The following C6orf89 variants were observed in gnomAD, a reference collection of about 807,000 sequenced individuals.
The protein encoded by C6orf89 is bombesin receptor-activated protein C6orf89.
C6orf89 carries 29 observed loss-of-function variants against 40.7 expected under a neutral mutation model. The observed-to-expected ratio is 0.71, with a 90% CI of 0.53 to 0.97. The LOEUF is 0.97. Among genes scored for constraint, C6orf89 ranks in the 50% least tolerant of loss-of-function variants. The pLI, the probability that C6orf89 is intolerant of heterozygous loss-of-function variation, is 0.00. For synonymous variants in C6orf89, 165 were observed against 152.2 expected, an observed-to-expected ratio of 1.08 and a Z score of -0.62; for missense variants, 392 against 429.1, an observed-to-expected ratio of 0.91 and a Z score of 0.76.
intron 3 of C6orf89, among the ~76,000 whole-genome samples, chr6:36,900,097 G>A (rs889152609): frequency 3.3e-5 from 5 of 152,008 alleles, no homozygotes; most frequent in African/African-American, 1.2e-4. Context: ...ATGTTGGTCA[G>A]GCTGGTCTTG....
chr6:36,910,996 A>G (rs868063273), intron 4 of C6orf89, among the ~76,000 whole-genome samples: 1 of 152,144 alleles, frequency 6.6e-6, no homozygotes, highest in African/African-American at 2.4e-5. Flanking sequence ...TAGTACTAAC[A>G]GTTTTTTACT....
chr6:36,893,948 C>T (rs1005818947), intron 1 of C6orf89, among the ~76,000 whole-genome samples: 2 of 150,604 alleles, frequency 1.3e-5, no homozygotes, highest in African/African-American at 4.9e-5. Flanking sequence ...CGCTTGAACC[C>T]GGGAGGCGGA....
intron 7 of C6orf89, among the ~76,000 whole-genome samples, chr6:36,918,771 C>T (rs934302943): frequency 1.3e-5 from 2 of 152,196 alleles, no homozygotes; most frequent in African/African-American, 4.8e-5. Context: ...CTCTTTATCC[C>T]TATTCCTTGC....
chr6:36,888,743 A>G (rs1049993485), intron 1 of C6orf89, among the ~76,000 whole-genome samples: 1 of 152,360 alleles, frequency 6.6e-6, no homozygotes, highest in African/African-American at 2.4e-5. Context: ...AGAGATGTTG[A>G]AGACCTTAAC....
chr6:36,875,354 A>G (rs1774624169), intron 1 of C6orf89, among the ~76,000 whole-genome samples: 1 of 152,220 alleles, frequency 6.6e-6, no homozygotes, highest in Admixed American at 6.5e-5. Flanking sequence ...GTTTTTCCAT[A>G]GTCATAAAGC....
chr6:36,912,842 C>G (rs1762176695), intron 4 of C6orf89, among the ~76,000 whole-genome samples: 2 of 152,338 alleles, frequency 1.3e-5, no homozygotes, highest in South Asian at 2.1e-4. Flanking sequence ...CTACTACTGC[C>G]TCAGAGAAAA....
chr6:36,917,408 C>T (rs1314467190), intron 7 of C6orf89, among the ~76,000 whole-genome samples: 2 of 152,162 alleles, frequency 1.3e-5, no homozygotes, highest in African/African-American at 4.8e-5. Flanking sequence ...AGCTGTTCTG[C>T]ATTTGTGTCT....
chr6:36,884,849 G>C (rs545896351), upstream of C6orf89, among the ~76,000 whole-genome samples: 6 of 152,142 alleles, frequency 3.9e-5, no homozygotes, highest in Non-Finnish European at 8.8e-5. The surrounding 1 kb of genome is among the most constrained non-coding windows in gnomAD (Gnocchi z 4.0). Flanking sequence ...CAAAATGCTA[G>C]AACAGACCAG....
intron 7 of C6orf89, among the ~76,000 whole-genome samples, chr6:36,917,961 AG>A (rs1762385111): frequency 6.6e-6 from 1 of 152,248 alleles, no homozygotes; most frequent in Non-Finnish European, 1.5e-5. Context: ...TGGGAAGGGC[AG>A]TGGCCAGACA....
intron 2 of C6orf89, 110 bp from the exon 3 acceptor site, chr6:36,899,316 G>A (rs1173930961): frequency 2.3e-6 from 2 of 854,528 alleles, no homozygotes; most frequent in Non-Finnish European, 1.9e-6. Flanking sequence ...AGAGGATTGA[G>A]GAAAGCACAA....
exon 1 of C6orf89, chr6:36,871,876 C>T (rs1034440795): frequency 6.4e-7 from 1 of 1,574,414 alleles, no homozygotes; most frequent in African/African-American, 1.4e-5. Flanking sequence ...TCCCATGCTG[C>T]AGAGGGAGAG....
chr6:36,897,673 G>T (rs1421045941), intron 2 of C6orf89, among the ~76,000 whole-genome samples: 7 of 152,198 alleles, frequency 4.6e-5, no homozygotes, highest in Non-Finnish European at 1.0e-4. Context: ...CTCTCTAGGT[G>T]ATTCTAATGT....
At chr6:36,903,031 T>C (rs1761781246) in intron 4 of C6orf89, among the ~76,000 whole-genome samples, 1 of 152,072 alleles carries the variant, frequency 6.6e-6, no homozygotes, top group South Asian at 2.1e-4. Flanking sequence ...ATTCATAGTC[T>C]GATAGACTAT....
intron 4 of C6orf89, among the ~76,000 whole-genome samples, chr6:36,911,496 A>AAAT (rs966960256): frequency 2.0e-5 from 3 of 151,882 alleles, no homozygotes; most frequent in African/African-American, 4.8e-5. Flanking sequence ...TCTCCAAAAA[A>AAAT]AATAATAATA....
upstream of C6orf89, among the ~76,000 whole-genome samples, chr6:36,884,036 C>T (rs1042846902): frequency 5.3e-5 from 8 of 152,132 alleles, no homozygotes; most frequent in African/African-American, 1.7e-4. The surrounding 1 kb of genome is among the most constrained non-coding windows in gnomAD (Gnocchi z 4.0). Context: ...CAGAGGTAGG[C>T]GGATCCCCTG....
At chr6:36,921,510 C>T (rs1000646457) in intron 8 of C6orf89, among the ~76,000 whole-genome samples, 2 of 152,138 alleles carry the variant, frequency 1.3e-5, no homozygotes, top group African/African-American at 4.8e-5. Flanking sequence ...TCAGGTACAA[C>T]ATCTGCAGTC....
intron 2 of C6orf89, among the ~76,000 whole-genome samples, chr6:36,880,484 A>G (rs920675223): frequency 3.3e-5 from 5 of 151,822 alleles, no homozygotes; most frequent in Admixed American, 6.6e-5. Flanking sequence ...ATTGGCTTAA[A>G]CAAAAATAAG....
chr6:36,886,020 G>C lies in C6orf89; in HGVS notation c.-128G>C. On this transcript the variant is annotated 5_prime_UTR_variant, in exon 1 of 9. Transcript: ENST00000480824. ...GGCGGGAGGAGCCCGAGGGGCGCGA[G>C]CCCCGCATGTGAGTGACTGGGGCCC... The C allele has an allele frequency of 8.0e-7, 1 of 1,257,368 alleles. No homozygotes were observed. The allele number at this position is 1,257,368 out of a possible 1,614,324, so 77.9% of individuals were successfully genotyped here.
Position 36,899,575 on chromosome 6 carries a change from A to C in C6orf89, c.131A>C (p.Glu44Ala). The C allele has an allele frequency of 6.2e-7, 1 of 1,614,170 alleles. No homozygotes were observed. Among genetic ancestry groups the C allele is most frequent in the Non-Finnish European group, 8.5e-7 (1 of 1,180,022 alleles). The change falls in exon 3 of 9, where the codon GAA (glutamate) becomes GCA (alanine). Residue 44 changes from glutamate to alanine, a missense_variant. Glu to Ala is a moderately radical substitution (Grantham distance 107, BLOSUM62 -1). Transcript: ENST00000480824. ...AIEKFIRQLL[E>A]KNEPQRPPPQ... ...GAAAAATTTATCAGACAGCTGCTGG[A>C]AAAGAATGAACCTCAGAGACCCCCC...
Sources: allele counts gnomAD v4.1 joint callset (sites outside exome capture counted in the v4.1 genomes callset), GRCh38; gene constraint gnomAD v4.1.1; non-coding constraint Gnocchi (gnomAD v3.1); transcripts MANE v1.5; gene names NCBI Gene and HGNC (gene_info 2026-07-23, HGNC 2026-07-21).